MAP4K4: variants seen among roughly 807,000 people sequenced by gnomAD.
The protein encoded by MAP4K4 is mitogen-activated protein kinase kinase kinase kinase 4.
MAP4K4 carries 38 observed loss-of-function variants against 189.6 expected under a neutral mutation model. That is an observed-to-expected ratio of 0.20 (90% CI 0.15 to 0.26). The LOEUF (loss-of-function observed/expected upper bound fraction) is 0.26, where lower values mean the gene tolerates loss of function less well. Among genes scored for constraint, MAP4K4 ranks in the 10% least tolerant of loss-of-function variants. The pLI is 1.00. For missense variants in MAP4K4, 1,054 were observed against 1,726.9 expected (o/e 0.61, Z 6.91); for synonymous variants, 610 against 624.3 (o/e 0.98, Z 0.34).
At chr2:101,790,740 T>G in exon 3 of MAP4K4, 2 of 1,610,842 alleles carry the variant, frequency 1.2e-6, no homozygotes, top group Non-Finnish European at 1.7e-6. Flanking sequence ...TTAAAACGGG[T>G]CAGTTGGCAG....
chr2:101,761,324 T>G (rs2076282876), intron 2 of MAP4K4, among the ~76,000 whole-genome samples: 2 of 152,216 alleles, frequency 1.3e-5, no homozygotes, highest in Non-Finnish European at 2.9e-5. Context: ...TAAAAAAATT[T>G]TTTTTTATGA....
chr2:101,870,407 G>GTCC, exon 23 of MAP4K4: 1 of 1,613,538 alleles, frequency 6.2e-7, no homozygotes, highest in Non-Finnish European at 8.5e-7. Context: ...CACTCTAATC[G>GTCC]TCCGCCAGGT....
chr2:101,767,397 A>G (rs1185347322), intron 2 of MAP4K4, among the ~76,000 whole-genome samples: 2 of 152,048 alleles, frequency 1.3e-5, no homozygotes, highest in Non-Finnish European at 2.9e-5. Context: ...AATTGTGAAG[A>G]GTTTGTCTCT....
intron 3 of MAP4K4, among the ~76,000 whole-genome samples, chr2:101,810,544 GTTAC>G (rs1322518785): frequency 1.3e-5 from 2 of 151,966 alleles, no homozygotes; most frequent in Non-Finnish European, 2.9e-5. Context: ...TCCAGGATTT[GTTAC>G]TTACTGTATC....
intron 2 of MAP4K4, among the ~76,000 whole-genome samples, chr2:101,716,734 C>T (rs1298848881): frequency 6.6e-6 from 1 of 152,072 alleles, no homozygotes; most frequent in Non-Finnish European, 1.5e-5. Flanking sequence ...CTCTTCTATC[C>T]ATCTCTTCTA....
chr2:101,811,144 C>T (rs750413207), intron 3 of MAP4K4, among the ~76,000 whole-genome samples: 7 of 152,034 alleles, frequency 4.6e-5, no homozygotes, highest in Admixed American at 3.3e-4. Context: ...GAGGCCGAGG[C>T]GGGTGGATCA....
chr2:101,886,722 G>A (rs1404976335), intron 29 of MAP4K4, among the ~76,000 whole-genome samples: 2 of 152,110 alleles, frequency 1.3e-5, no homozygotes, highest in East Asian at 1.9e-4. Context: ...GAGTATGTTG[G>A]GTCTTCTCTA....
intron 3 of MAP4K4, among the ~76,000 whole-genome samples, chr2:101,792,777 A>T (rs1392468488): frequency 6.6e-6 from 1 of 152,106 alleles, no homozygotes; most frequent in Non-Finnish European, 1.5e-5. Context: ...CTGGGATTAC[A>T]GGCTCCCACT....
intron 23 of MAP4K4, chr2:101,870,683 ATGTC>A (rs1170601932): frequency 2.7e-6 from 1 of 368,240 alleles, no homozygotes; most frequent in African/African-American, 2.1e-5. Context: ...CTCACAGTCT[ATGTC>A]TGAGCGGGAG....
At chr2:101,861,163 T>C in intron 16 of MAP4K4, 177 bp downstream of exon 16, 1 of 592,660 alleles carries the variant, frequency 1.7e-6, no homozygotes, top group Non-Finnish European at 2.9e-6. Context: ...AATATCTTTT[T>C]CTTTCTTTTT....
chr2:101,876,369 A>G (rs969014510), intron 26 of MAP4K4, among the ~76,000 whole-genome samples: 1 of 152,184 alleles, frequency 6.6e-6, no homozygotes, highest in Non-Finnish European at 1.5e-5. Context: ...TGACGGTACA[A>G]GGTTAGAGAA....
rs1343576496 is a variant in MAP4K4, at chr2:101,808,720, T to C, written c.181-15208T>C. 2.6e-5 allele frequency among the ~76,000 whole-genome samples: 4 copies of C among 152,252 alleles called. No individual in the cohort carries two copies. In the Middle Eastern group the frequency reaches 0.01, roughly 388 times the overall value. On this transcript the variant is annotated intron_variant, in intron 3 of 32. Transcript: ENST00000324219. The stretch of plus-strand genomic sequence containing the variant: ...GATAAAATATAGAGAAGTAAAAAGA[T>C]GAAAAAAATTACACTCATAATTCCA...
chr2:101,870,182 T>C, intron 22 of MAP4K4, 113 bp from the exon 23 acceptor site: 1 of 1,108,974 alleles, frequency 9.0e-7, no homozygotes, highest in Non-Finnish European at 1.3e-6. Context: ...TGGAGGAGGC[T>C]TTATATCGGT....
chr2:101,876,727 A>G (rs2098216902), intron 26 of MAP4K4, among the ~76,000 whole-genome samples: 1 of 152,222 alleles, frequency 6.6e-6, no homozygotes, highest in Admixed American at 6.5e-5. Context: ...ACTAGAAACT[A>G]ATGGATTATT....
chr2:101,872,682 G>A (rs1019815219), intron 24 of MAP4K4, among the ~76,000 whole-genome samples: 2 of 152,164 alleles, frequency 1.3e-5, no homozygotes, highest in Admixed American at 1.3e-4. Context: ...GACAGGGAGG[G>A]AAGCTGCCAG....
chr2:101,831,117 T>A (rs2096583653), intron 6 of MAP4K4, among the ~76,000 whole-genome samples: 1 of 152,202 alleles, frequency 6.6e-6, no homozygotes, highest in Admixed American at 6.5e-5. Context: ...CAGCTCTGCC[T>A]CCCGTCCTTG....
At chr2:101,708,962 A>G (rs1346070567) in intron 2 of MAP4K4, among the ~76,000 whole-genome samples, 6 of 152,162 alleles carry the variant, frequency 3.9e-5, no homozygotes, top group South Asian at 4.1e-4. Context: ...GTTGTACCAC[A>G]TTTGTTACCT....
chr2:101,867,414 T>C, intron 20 of MAP4K4, 105 bp downstream of exon 20: 1 of 795,708 alleles, frequency 1.3e-6, no homozygotes, highest in Non-Finnish European at 2.1e-6. Context: ...CGAGGGCCCC[T>C]CACAGATTTG....
chr2:101,754,917 C>G lies in MAP4K4; in HGVS notation c.124-35803C>G, dbSNP rs181534278. Among the ~76,000 whole-genome samples the G allele has an allele frequency of 1.9e-3, 289 of 152,134 alleles. 1 individual carries two copies. The highest frequency in any genetic ancestry group is 6.6e-3 in the African/African-American group (276 of 41,504). On this transcript the variant is annotated intron_variant, in intron 2 of 32. Transcript: ENST00000324219. ...GAGTCCAGAATATTGTTAGTCATGG[C>G]CACAAAAACCCAGTGAGTTGTATGA...
Sources: gnomAD v4.1 joint callset for allele counts (sites outside exome capture counted in the v4.1 genomes callset) on GRCh38, gnomAD v4.1.1 for gene constraint, MANE v1.5 for transcripts, NCBI Gene and HGNC (gene_info 2026-07-23, HGNC 2026-07-21) for gene names.